The following GALNT13 variants were observed in gnomAD, a reference collection of about 807,000 sequenced individuals.
GALNT13 encodes UDP-GalNAc:polypeptide N-acetylgalactosaminyltransferase 13.
Under a neutral mutation model 64.2 loss-of-function variants are expected in GALNT13, and 28 were observed. The observed-to-expected ratio is 0.44, with a 90% CI of 0.32 to 0.60. GALNT13 has a LOEUF of 0.60. Among genes scored for constraint, GALNT13 ranks in the 20% least tolerant of loss-of-function variants. The pLI is 0.05. For synonymous variants in GALNT13, 214 were observed against 224.6 expected, an observed-to-expected ratio of 0.95 and a Z score of 0.42; for missense variants, 577 against 669.8, an observed-to-expected ratio of 0.86 and a Z score of 1.53.
intron 3 of GALNT13, among the ~76,000 whole-genome samples, chr2:154,129,627 A>T (rs1019367839): frequency 6.6e-6 from 1 of 151,958 alleles, no homozygotes; most frequent in Non-Finnish European, 1.5e-5. Flanking sequence ...TTATTTTTAT[A>T]TCCTTATATA....
chr2:153,656,589 G>A, the GALNT13 span, among the ~76,000 whole-genome samples: 1 of 152,072 alleles, frequency 6.6e-6, no homozygotes, highest in Admixed American at 6.6e-5. Flanking sequence ...TTAGTATAGT[G>A]ATAAAGTTCT....
chr2:153,604,405 T>A, the GALNT13 span, among the ~76,000 whole-genome samples: 4 of 152,178 alleles, frequency 2.6e-5, no homozygotes, highest in African/African-American at 9.6e-5. Flanking sequence ...GCTCTTTCTG[T>A]TGTCTAGATG....
At chr2:154,090,511 T>C (rs1701752672) in intron 3 of GALNT13, among the ~76,000 whole-genome samples, 1 of 152,062 alleles carries the variant, frequency 6.6e-6, no homozygotes, top group African/African-American at 2.4e-5. Context: ...CCCATTCCAT[T>C]CTTTGGAAAA....
the GALNT13 span, among the ~76,000 whole-genome samples, chr2:153,664,776 C>T: frequency 6.6e-5 from 10 of 152,262 alleles, no homozygotes; most frequent in South Asian, 1.0e-3. Flanking sequence ...TCCCTCTGTT[C>T]GGGGTCCCTG....
intron 8 of GALNT13, among the ~76,000 whole-genome samples, chr2:154,282,183 C>A (rs1691996412): frequency 2.0e-5 from 3 of 152,098 alleles, no homozygotes; most frequent in African/African-American, 4.8e-5. Context: ...CTGAAAAATT[C>A]TCCTAAAGGA....
At chr2:153,816,340 C>T in the GALNT13 span, among the ~76,000 whole-genome samples, 5 of 151,990 alleles carry the variant, frequency 3.3e-5, no homozygotes, top group Admixed American at 2.6e-4. Flanking sequence ...GACATGGCTT[C>T]AGGATGGATC....
At chr2:153,572,494 G>C in the GALNT13 span, among the ~76,000 whole-genome samples, 2 of 151,258 alleles carry the variant, frequency 1.3e-5, no homozygotes, top group Non-Finnish European at 3.0e-5. Flanking sequence ...TTGGGATTTG[G>C]TTTGCTCTCT....
chr2:153,425,871 T>A, the GALNT13 span, among the ~76,000 whole-genome samples: 1 of 151,882 alleles, frequency 6.6e-6, no homozygotes, highest in Admixed American at 6.6e-5. Flanking sequence ...GAGATTAGCT[T>A]TTTCTTCTTG....
intron 3 of GALNT13, among the ~76,000 whole-genome samples, chr2:153,970,270 A>G (rs939327510): frequency 2.6e-5 from 4 of 152,192 alleles, no homozygotes; most frequent in African/African-American, 9.7e-5. Flanking sequence ...AAGTCCAATG[A>G]TTCTCAACCT....
chr2:153,534,049 A>G, the GALNT13 span, among the ~76,000 whole-genome samples: 12,298 of 151,726 alleles, frequency 0.081, 628 homozygotes, highest in Middle Eastern at 0.16. Context: ...TAGAATTTCC[A>G]TCTCTATTCT....
the GALNT13 span, among the ~76,000 whole-genome samples, chr2:153,522,670 G>A: frequency 6.6e-6 from 1 of 152,026 alleles, no homozygotes. Flanking sequence ...CTTTCGTGTG[G>A]TGCCTATTGA....
chr2:153,478,713 T>C, the GALNT13 span: 3 of 680,734 alleles, frequency 4.4e-6, no homozygotes. Flanking sequence ...CCCTGGGCCG[T>C]GGGAGTTTCC....
chr2:153,097,109 C>T, the GALNT13 span, among the ~76,000 whole-genome samples: 1 of 152,164 alleles, frequency 6.6e-6, no homozygotes, highest in East Asian at 1.9e-4. Context: ...AAACTTATAA[C>T]AAAACTGTTT....
chr2:153,560,509 T>C, the GALNT13 span, among the ~76,000 whole-genome samples: 1 of 152,100 alleles, frequency 6.6e-6, no homozygotes, highest in Non-Finnish European at 1.5e-5. Flanking sequence ...TTTATCCTAG[T>C]ACATGATAGA....
the GALNT13 span, among the ~76,000 whole-genome samples, chr2:153,292,294 G>T: frequency 8.7e-6 from 1 of 115,212 alleles, no homozygotes; most frequent in East Asian, 2.0e-4. Context: ...AAGAAGAAAG[G>T]GTAACTTATC....
intron 3 of GALNT13, among the ~76,000 whole-genome samples, chr2:154,137,248 C>T (rs1683008741): frequency 6.6e-6 from 1 of 151,910 alleles, no homozygotes; most frequent in African/African-American, 2.4e-5. Context: ...ACTTAGCATT[C>T]TTTTTGCTTG....
intron 8 of GALNT13, among the ~76,000 whole-genome samples, chr2:154,298,608 T>TACATTGTATATA (rs1190599505): frequency 2.6e-4 from 1 of 3,868 alleles, no homozygotes; most frequent in Non-Finnish European, 5.5e-4. Flanking sequence ...AATGTATATA[T>TACATTGTATATA]TAATTTATAT....
chr2:154,144,311 T>C (rs2105592642), intron 4 of GALNT13, among the ~76,000 whole-genome samples: 1 of 152,256 alleles, frequency 6.6e-6, no homozygotes, highest in Admixed American at 6.5e-5. Flanking sequence ...TCCAAACTGT[T>C]ATTTAAAAGA....
the GALNT13 span, among the ~76,000 whole-genome samples, chr2:153,129,155 T>G: frequency 6.6e-6 from 1 of 152,182 alleles, no homozygotes; most frequent in Non-Finnish European, 1.5e-5. Context: ...ATCTTCAGCT[T>G]ACCGGGGTAC....
Sources: allele counts gnomAD v4.1 joint callset (sites outside exome capture counted in the v4.1 genomes callset), GRCh38; gene constraint gnomAD v4.1.1; transcripts MANE v1.5; gene names NCBI Gene and HGNC (gene_info 2026-07-23, HGNC 2026-07-21).